STMN1: variants seen among roughly 807,000 people sequenced by gnomAD.
STMN1 encodes the protein stathmin.
STMN1 carries 3 observed loss-of-function variants against 19.7 expected under a neutral mutation model. The ratio of observed to expected loss-of-function variants is 0.15; its 90% CI spans 0.07 to 0.39. The LOEUF (loss-of-function observed/expected upper bound fraction) is 0.39. Among genes scored for constraint, STMN1 ranks in the 10% least tolerant of loss-of-function variants. The pLI, the probability that STMN1 is intolerant of heterozygous loss-of-function variation, is 1.00. For synonymous variants in STMN1, 59 were observed against 58.9 expected (o/e 1.00, Z -0.01); for missense variants, 99 against 176.0 (o/e 0.56, Z 2.48).
At chr1:25,885,836 G>A (rs2048716477) in exon 5 of STMN1, 2 of 1,551,246 alleles carry the variant, frequency 1.3e-6, no homozygotes, top group Non-Finnish European at 8.7e-7. Flanking sequence ...ATCTGTGCTG[G>A]GTGGGCCCCA....
chr1:25,890,778 G>A (rs1231999639), intron 4 of STMN1, among the ~76,000 whole-genome samples: 1 of 152,168 alleles, frequency 6.6e-6, no homozygotes, highest in Non-Finnish European at 1.5e-5. Flanking sequence ...CTAGGCGAGC[G>A]TATCCAGGGA....
At chr1:25,898,616 A>G (rs1446421954), downstream of STMN1, among the ~76,000 whole-genome samples, 2 of 152,256 alleles carry the variant, frequency 1.3e-5, no homozygotes, top group African/African-American at 4.8e-5. Context: ...GAGCCCAGTC[A>G]ACCATAAGGC....
At chr1:25,898,564 A>C (rs960669124), downstream of STMN1, among the ~76,000 whole-genome samples, 5 of 150,526 alleles carry the variant, frequency 3.3e-5, no homozygotes, top group Admixed American at 2.0e-4. Flanking sequence ...GTCAAATGTT[A>C]ATTTAAGGGC....
downstream of STMN1, among the ~76,000 whole-genome samples, chr1:25,898,191 A>G (rs2048836789): frequency 6.6e-6 from 1 of 152,262 alleles, no homozygotes; most frequent in Non-Finnish European, 1.5e-5. Flanking sequence ...AGGGCCTGCC[A>G]AAGGCCATTA....
intron 4 of STMN1, among the ~76,000 whole-genome samples, chr1:25,891,480 T>C (rs561235377): frequency 1.3e-5 from 2 of 152,220 alleles, no homozygotes; most frequent in East Asian, 3.9e-4. Flanking sequence ...AAAGCAGATG[T>C]CCCAGTCCCC....
At chr1:25,904,623 A>G (rs763965419) in intron 2 of STMN1, 41 bp downstream of exon 2, 3 of 1,581,492 alleles carry the variant, frequency 1.9e-6, no homozygotes, top group African/African-American at 2.7e-5. Flanking sequence ...CTAAAATCAT[A>G]AGCCCATTAC....
chr1:25,895,139 G>C (rs925842951), downstream of STMN1, among the ~76,000 whole-genome samples: 36 of 126,852 alleles, frequency 2.8e-4, no homozygotes, highest in Admixed American at 2.0e-4. Flanking sequence ...GTATCGCTCT[G>C]TTGCCCAGAC....
At chr1:25,897,679 G>A (rs116814718), downstream of STMN1, among the ~76,000 whole-genome samples, 844 of 152,180 alleles carry the variant, frequency 5.5e-3, 7 homozygotes, top group African/African-American at 0.019. Context: ...TCCGGGCAAC[G>A]AGGGGATGCT....
chr1:25,892,496 CAGTTCTT>C, intron 4 of STMN1: 1 of 983,716 alleles, frequency 1.0e-6, no homozygotes, highest in Non-Finnish European at 1.2e-6. Context: ...AAGCTTGAAC[CAGTTCTT>C]TCTCTCTTAC....
At chr1:25,899,037 T>G (rs139519244), downstream of STMN1, among the ~76,000 whole-genome samples, 355 of 152,314 alleles carry the variant, frequency 2.3e-3, 2 homozygotes, top group African/African-American at 7.7e-3. Context: ...GAGCTTCTAT[T>G]TCTGTGGTAA....
Position 25,900,322 on chromosome 1 carries a change from T to C in STMN1, c.*694A>G. On this transcript the variant is annotated 3_prime_UTR_variant, in exon 5 of 5. Coordinates refer to ENST00000455785, the MANE Select transcript of STMN1 (RefSeq NM_005563.4). The stretch of plus-strand genomic sequence containing the variant: ...AAAAGGGACACAGAACAAAAAATGG[T>C]TGTTTGCAAATAAACATCTGAAAGA... The C allele has an allele frequency of 1.0e-6, 1 of 985,878 alleles. No individual in the cohort carries two copies. The highest frequency in any genetic ancestry group is 1.2e-6 in the Non-Finnish European group (1 of 829,946). 61.1% of individuals were successfully genotyped at this position (985,878 alleles called of 1,614,324 possible). A position where few individuals can be genotyped will look rare whatever the true frequency, so the allele number is the denominator to read the frequency against.
At chr1:25,897,606 GC>G (rs1335139729), downstream of STMN1, among the ~76,000 whole-genome samples, 3 of 152,110 alleles carry the variant, frequency 2.0e-5, no homozygotes, top group Non-Finnish European at 4.4e-5. Context: ...GGTGGGAACG[GC>G]TGAATAGTAG....
intron 1 of STMN1, chr1:25,904,995 G>T: frequency 3.1e-6 from 1 of 325,566 alleles, no homozygotes; most frequent in Non-Finnish European, 5.6e-6. Flanking sequence ...TTTAAAATCA[G>T]ACAAAGTCAC....
downstream of STMN1, among the ~76,000 whole-genome samples, chr1:25,896,004 G>A (rs2048815591): frequency 6.6e-6 from 1 of 152,218 alleles, no homozygotes; most frequent in Admixed American, 6.5e-5. Context: ...CACGAGCCAG[G>A]AGATCCAGTG....
At chr1:25,886,494 C>T (rs1313095088) in intron 4 of STMN1, among the ~76,000 whole-genome samples, 6 of 151,900 alleles carry the variant, frequency 3.9e-5, no homozygotes, top group Admixed American at 6.6e-5. Context: ...CACCTGCATC[C>T]ACAGTCCAGC....
In STMN1 at chr1:25,900,365, G is replaced by A. The variant is rs2048857405; in HGVS notation, c.*651C>T. The A allele has an allele frequency of 1.0e-6, 1 of 985,800 alleles. No homozygotes were observed. Among genetic ancestry groups the A allele is most frequent in the Non-Finnish European group, 1.2e-6 (1 of 829,938 alleles). 61.1% of individuals were successfully genotyped at this position (985,800 alleles called of 1,614,324 possible). A position where few individuals can be genotyped will look rare whatever the true frequency, so the allele number is the denominator to read the frequency against. ...CTGAAAGAAAGTAACAGCTGACCTG[G>A]GCTGAGGCATCCAAACAAAGCAGTC... On this transcript the variant is annotated 3_prime_UTR_variant, in exon 5 of 5. Coordinates refer to ENST00000455785, the MANE Select transcript of STMN1 (RefSeq NM_005563.4).
intron 4 of STMN1, among the ~76,000 whole-genome samples, chr1:25,889,626 T>C (rs1263531761): frequency 1.3e-5 from 2 of 152,018 alleles, no homozygotes; most frequent in African/African-American, 4.8e-5. Context: ...CAAGCCACTC[T>C]CATCTCTCTC....
rs2048902186 is a variant in STMN1, at chr1:25,903,675, T to C, written c.152A>G (p.Gln51Arg). 4 of 1,613,364 alleles carry C rather than the reference T, an allele frequency of 2.5e-6. No individual in the cohort carries two copies. The highest frequency in any genetic ancestry group is 3.4e-6 in the Non-Finnish European group (4 of 1,179,992). The change falls in exon 3 of 5, where the codon CAG (glutamine) becomes CGG (arginine). Residue 51 changes from glutamine (Q) to arginine (R), a missense_variant. Physicochemically the swap from Gln to Arg is conservative, Grantham distance 43 (BLOSUM62 1). Around this residue, in one of 3 missense-constraint regions of STMN1, gnomAD observed 37 missense variants for 57.9 expected, o/e 0.64. Transcript: ENST00000455785. ...KKKDLSLEEI[Q>R]KKLEAAEERR... Reference sequence around the variant, plus strand: ...TTCTTCTGCAGCTTCTAATTTCTTCTGAATTTCCTCCAGGGAAAGATCCTT... The same window carrying C: ...TTCTTCTGCAGCTTCTAATTTCTTCCGAATTTCCTCCAGGGAAAGATCCTT...
chr1:25,889,302 CAAACAACAA>C (rs1213631078), intron 4 of STMN1, among the ~76,000 whole-genome samples: 1 of 152,150 alleles, frequency 6.6e-6, no homozygotes, highest in Non-Finnish European at 1.5e-5. Context: ...CCTTTCATTT[CAAACAACAA>C]AAACAACAAA....
Sources: gnomAD v4.1 joint callset for allele counts (sites outside exome capture counted in the v4.1 genomes callset) on GRCh38, gnomAD v4.1.1 for gene constraint, gnomAD v4.1.1 regional missense constraint, MANE v1.5 for transcripts, NCBI Gene and HGNC (gene_info 2026-07-23, HGNC 2026-07-21) for gene names.